JAZF1: variants seen among roughly 807,000 people sequenced by gnomAD.
The protein encoded by JAZF1 is juxtaposed with another zinc finger protein 1.
In JAZF1, 8 loss-of-function variants were observed where a neutral mutation model predicts 26.4. The ratio of observed to expected loss-of-function variants is 0.30; its 90% CI spans 0.18 to 0.55. The LOEUF (loss-of-function observed/expected upper bound fraction) is 0.55. Among genes scored for constraint, JAZF1 ranks in the 20% least tolerant of loss-of-function variants. The pLI is 0.94. For synonymous variants in JAZF1, 126 were observed against 122.3 expected, an observed-to-expected ratio of 1.03 and a Z score of -0.20; for missense variants, 199 against 322.0, an observed-to-expected ratio of 0.62 and a Z score of 2.92.
At chr7:28,050,380 G>T (rs1783591934) in intron 1 of JAZF1, among the ~76,000 whole-genome samples, 1 of 152,132 alleles carries the variant, frequency 6.6e-6, no homozygotes, top group South Asian at 2.1e-4. Context: ...AGTTTCTTTT[G>T]GGGGTGATGA....
chr7:27,970,988 G>A (rs1304589744), intron 2 of JAZF1, among the ~76,000 whole-genome samples: 1 of 152,194 alleles, frequency 6.6e-6, no homozygotes, highest in African/African-American at 2.4e-5. Flanking sequence ...TGGTCACCGT[G>A]AAGATTCCAG....
chr7:27,930,186 A>G (rs181199243), intron 2 of JAZF1, among the ~76,000 whole-genome samples: 2,526 of 152,048 alleles, frequency 0.017, 74 homozygotes, highest in African/African-American at 0.058. Flanking sequence ...TAGTAGAGAC[A>G]GGGTTTCACT....
chr7:27,896,626 G>A (rs1286071746), intron 2 of JAZF1, among the ~76,000 whole-genome samples: 1 of 152,152 alleles, frequency 6.6e-6, no homozygotes, highest in Non-Finnish European at 1.5e-5. Context: ...AAATTCCTTA[G>A]TATTTTTCCT....
rs58075065 is a variant in JAZF1, at chr7:28,173,880, T to TAA, written c.115+6581_115+6582dup. Among the ~76,000 whole-genome samples, 637 of 93,130 alleles carry TAA rather than the reference T, an allele frequency of 6.8e-3. 8 individuals carry two copies. Among genetic ancestry groups the TAA allele is most frequent in the Non-Finnish European group, 0.011 (511 of 47,794 alleles). 61.1% of individuals were successfully genotyped at this position (93,130 alleles called of 152,430 possible). A position where few individuals can be genotyped will look rare whatever the true frequency, so the allele number is the denominator to read the frequency against. ...TCTGGTCCCTGCTTGCAGCTAGCTT[T>TAA]AAAAAAAAAAAAAAAAAAAAAAAAA... On this transcript the variant is annotated intron_variant, in intron 1 of 4. Transcript: ENST00000283928.
chr7:27,991,874 T>C lies in JAZF1; in HGVS notation c.188+35A>G, dbSNP rs370971110. The stretch of plus-strand genomic sequence containing the variant: ...TTAAAAAGTCAATAAGCAGCAGATA[T>C]AAGGTTGTTATAATAAATTCTGAAA... On this transcript the variant is annotated intron_variant, in intron 2 of 4. Coordinates refer to ENST00000283928, the MANE Select transcript of JAZF1 (RefSeq NM_175061.4). The C allele has an allele frequency of 1.3e-5, 14 of 1,093,070 alleles. No homozygotes were observed. In the East Asian group the frequency reaches 1.9e-4, roughly 15 times the overall value. The allele number at this position is 1,093,070 out of a possible 1,614,324, so 67.7% of individuals were successfully genotyped here.
chr7:28,079,724 T>C (rs935411179), intron 1 of JAZF1, among the ~76,000 whole-genome samples: 7 of 152,362 alleles, frequency 4.6e-5, no homozygotes, highest in African/African-American at 1.7e-4. Flanking sequence ...GTACTCACTA[T>C]GTAGTAGGCC....
chr7:27,947,198 C>T (rs934910069), intron 2 of JAZF1, among the ~76,000 whole-genome samples: 7 of 152,184 alleles, frequency 4.6e-5, no homozygotes, highest in Non-Finnish European at 8.8e-5. Context: ...TTTTCATTGT[C>T]GTCAAGAGTC....
At chr7:28,120,803 G>A (rs1042670732) in intron 1 of JAZF1, among the ~76,000 whole-genome samples, 10 of 151,982 alleles carry the variant, frequency 6.6e-5, no homozygotes, top group African/African-American at 1.5e-4. Context: ...CCTCCACTCC[G>A]TGCACTTGCT....
intron 3 of JAZF1, among the ~76,000 whole-genome samples, chr7:27,892,363 G>A (rs889650019): frequency 6.6e-6 from 1 of 152,188 alleles, no homozygotes; most frequent in Non-Finnish European, 1.5e-5. Context: ...CAAGGTGTCA[G>A]AAAGATTTCT....
At chr7:27,854,403 C>A (rs2128334769) in intron 3 of JAZF1, among the ~76,000 whole-genome samples, 1 of 152,276 alleles carries the variant, frequency 6.6e-6, no homozygotes, top group South Asian at 2.1e-4. Context: ...GAATTTGATC[C>A]TGTCATTATG....
Position 27,840,547 on chromosome 7 carries a change from CAG to C in JAZF1, c.555+149_555+150del, listed in dbSNP as rs1391157271. 1.4e-5 allele frequency: 11 copies of C among 802,774 alleles called. No individual in the cohort carries two copies. Among genetic ancestry groups the C allele is most frequent in the Admixed American group, 2.4e-5 (1 of 41,082 alleles). 49.7% of individuals were successfully genotyped at this position (802,774 alleles called of 1,614,324 possible). A position where few individuals can be genotyped will look rare whatever the true frequency, so the allele number is the denominator to read the frequency against. On this transcript the variant is annotated intron_variant, in intron 4 of 4. Transcript: ENST00000283928. This position sits in a 1 kb window ranked among gnomAD's most constrained non-coding sequence, Gnocchi z 5.1. ...TTCCTTGAGGGCACCTGTGTGCACA[CAG>C]GGGTGAGGCCCACGCACTCTAATGC...
At chr7:27,908,197 G>T (rs900079108) in intron 2 of JAZF1, among the ~76,000 whole-genome samples, 1 of 152,158 alleles carries the variant, frequency 6.6e-6, no homozygotes, top group African/African-American at 2.4e-5. Context: ...TTATGTATGG[G>T]CCAACTGCTC....
intron 3 of JAZF1, among the ~76,000 whole-genome samples, chr7:27,880,226 C>T (rs775258840): frequency 2.6e-5 from 4 of 151,834 alleles, no homozygotes; most frequent in African/African-American, 4.8e-5. Flanking sequence ...CCATTTTTGA[C>T]GATGCCAAGA....
intron 3 of JAZF1, among the ~76,000 whole-genome samples, chr7:27,869,377 C>T (rs753169579): frequency 6.6e-5 from 10 of 152,282 alleles, no homozygotes; most frequent in East Asian, 1.9e-4. Context: ...GCCTGAACTA[C>T]GGGTGGCCAG....
At chr7:28,128,574 G>C (rs1373798751) in intron 1 of JAZF1, among the ~76,000 whole-genome samples, 3 of 152,114 alleles carry the variant, frequency 2.0e-5, no homozygotes, top group Non-Finnish European at 4.4e-5. Flanking sequence ...TAATGAATTA[G>C]AAATCTGGCA....
intron 1 of JAZF1, among the ~76,000 whole-genome samples, chr7:28,078,263 T>C (rs982078688): frequency 6.6e-6 from 1 of 152,232 alleles, no homozygotes; most frequent in African/African-American, 2.4e-5. Flanking sequence ...ATTTATCAGC[T>C]GTGCAACTCT....
intron 1 of JAZF1, among the ~76,000 whole-genome samples, chr7:28,043,263 T>C (rs1399054806): frequency 6.6e-6 from 1 of 152,172 alleles, no homozygotes; most frequent in East Asian, 1.9e-4. Context: ...ACTAGCTCTC[T>C]TTCTCCAAGA....
intron 1 of JAZF1, among the ~76,000 whole-genome samples, chr7:28,008,215 A>T (rs1031241274): frequency 6.6e-5 from 10 of 151,972 alleles, no homozygotes; most frequent in Non-Finnish European, 1.5e-4. Context: ...ATTTATTTTT[A>T]AAATTAATTA....
chr7:27,939,925 C>A (rs999066151), intron 2 of JAZF1, among the ~76,000 whole-genome samples: 3 of 152,154 alleles, frequency 2.0e-5, no homozygotes, highest in Non-Finnish European at 4.4e-5. Context: ...ATGTAAGTGA[C>A]CCTGCCGCTT....
Sources: gnomAD v4.1 joint callset for allele counts (sites outside exome capture counted in the v4.1 genomes callset) on GRCh38, gnomAD v4.1.1 for gene constraint, Gnocchi (gnomAD v3.1) non-coding constraint, MANE v1.5 for transcripts, NCBI Gene and HGNC (gene_info 2026-07-23, HGNC 2026-07-21) for gene names.